Variants in IL20RB observed in about 807,000 individuals in gnomAD.
IL20RB encodes interleukin-20 receptor subunit beta.
A neutral mutation model predicts 33.3 loss-of-function variants in IL20RB; 21 were observed. That is an observed-to-expected ratio of 0.63 (90% CI 0.45 to 0.91). IL20RB has a LOEUF of 0.91. Ranked by LOEUF, IL20RB falls within the 40% of genes least tolerant of loss-of-function variation. The probability of loss-of-function intolerance (pLI) is 0.00; values close to 1 mark genes in which losing one functional copy is unlikely to be tolerated. For missense variants in IL20RB, 345 were observed against 384.8 expected (o/e 0.90, Z 0.86); for synonymous variants, 147 against 146.8 (o/e 1.00, Z -0.01).
At chr3:137,007,082 G>A (rs1942364086) in intron 6 of IL20RB, among the ~76,000 whole-genome samples, 2 of 152,190 alleles carry the variant, frequency 1.3e-5, no homozygotes. Context: ...CCGTTTGCCT[G>A]GGTATCACCA....
chr3:137,010,490 G>A lies in IL20RB; in HGVS notation c.*267G>A, dbSNP rs573772521. On this transcript the variant is annotated 3_prime_UTR_variant, in exon 7 of 7. Coordinates refer to ENST00000329582, the MANE Select transcript of IL20RB (RefSeq NM_144717.4). ...CTGGGAAAAGTGACTTCATCCCTTC[G>A]GTCCTAAGTTTTCTCATCTGTAATG... The A allele has an allele frequency of 2.2e-5, 8 of 369,262 alleles. No homozygotes were observed. The highest frequency in any genetic ancestry group is 1.0e-4 in the South Asian group (2 of 20,002). The allele number at this position is 369,262 out of a possible 1,614,324, so 22.9% of individuals were successfully genotyped here.
chr3:136,965,888 GAGAA>G, intron 1 of IL20RB, among the ~76,000 whole-genome samples: 1 of 10,370 alleles, frequency 9.6e-5, no homozygotes, highest in Admixed American at 1.4e-3. Context: ...CTAATTTATT[GAGAA>G]TTTTTAGCAT....
intron 1 of IL20RB, among the ~76,000 whole-genome samples, chr3:136,977,148 C>T (rs941399032): frequency 6.6e-6 from 1 of 152,180 alleles, no homozygotes; most frequent in African/African-American, 2.4e-5. Flanking sequence ...TACATGATTT[C>T]GGTTCTTCTA....
chr3:137,008,081 C>G (rs1021162801), intron 6 of IL20RB, among the ~76,000 whole-genome samples: 3 of 152,166 alleles, frequency 2.0e-5, no homozygotes, highest in African/African-American at 7.2e-5. Flanking sequence ...GCTGAAGGGT[C>G]TCAGTTTCCT....
At chr3:136,978,166 G>GTT (rs780316908) in intron 1 of IL20RB, among the ~76,000 whole-genome samples, 18 of 130,668 alleles carry the variant, frequency 1.4e-4, no homozygotes, top group East Asian at 2.2e-4. Context: ...GTTCTGTCTT[G>GTT]TTTTTTTTTT....
intron 1 of IL20RB, among the ~76,000 whole-genome samples, chr3:136,976,396 T>C (rs1451748448): frequency 6.6e-6 from 1 of 152,162 alleles, no homozygotes; most frequent in African/African-American, 2.4e-5. Flanking sequence ...CCTCTGTGGC[T>C]ACAGCCTGGG....
At chr3:137,002,928 T>C (rs1412478149) in intron 6 of IL20RB, among the ~76,000 whole-genome samples, 1 of 152,314 alleles carries the variant, frequency 6.6e-6, no homozygotes, top group East Asian at 1.9e-4. Flanking sequence ...CTTTAATCCA[T>C]CTTGAATTGA....
intron 1 of IL20RB, among the ~76,000 whole-genome samples, chr3:136,979,504 A>T (rs1941715114): frequency 6.6e-6 from 1 of 152,208 alleles, no homozygotes; most frequent in Non-Finnish European, 1.5e-5. Context: ...CATAGCAGAG[A>T]GTTCAGACTG....
In IL20RB at chr3:136,992,033, G is replaced by A; in HGVS notation, c.627G>A (p.Val209=). 1 of 1,614,216 alleles carries A rather than the reference G, an allele frequency of 6.2e-7. No individual in the cohort carries two copies. ...AAYCVKAQTF[V]KAIGRYSAFS... ...ACTGTGTGAAGGCCCAGACATTCGT[G>A]AAGGCCATTGGGAGGTACAGCGCCT... Residue 209 remains valine (V), a synonymous_variant, in exon 5 of 7, where the codon GTG becomes GTA. Coordinates refer to ENST00000329582, the MANE Select transcript of IL20RB (RefSeq NM_144717.4).
At chr3:136,974,883 C>G (rs1941578048) in intron 1 of IL20RB, among the ~76,000 whole-genome samples, 1 of 152,272 alleles carries the variant, frequency 6.6e-6, no homozygotes, top group Non-Finnish European at 1.5e-5. Context: ...CCTGCTCGAT[C>G]TAGTCTATTG....
intron 4 of IL20RB, among the ~76,000 whole-genome samples, chr3:136,991,650 C>T (rs1442760599): frequency 6.6e-6 from 1 of 152,188 alleles, no homozygotes; most frequent in Admixed American, 6.5e-5. Flanking sequence ...GCTCTGTCGC[C>T]CAAGCTGGAG....
chr3:136,984,859 G>C (rs1031009740), intron 3 of IL20RB, among the ~76,000 whole-genome samples: 3 of 152,110 alleles, frequency 2.0e-5, no homozygotes, highest in African/African-American at 7.2e-5. Context: ...GGATCTGGGG[G>C]AGATTAAGGG....
At chr3:136,963,688 T>A (rs925196807) in intron 1 of IL20RB, among the ~76,000 whole-genome samples, 2 of 92,690 alleles carry the variant, frequency 2.2e-5, no homozygotes, top group South Asian at 3.6e-4. Context: ...TTTTTTTTTT[T>A]TTTTATTTTT....
At chr3:136,962,216 C>T (rs1049026625) in intron 1 of IL20RB, among the ~76,000 whole-genome samples, 2 of 152,148 alleles carry the variant, frequency 1.3e-5, no homozygotes, top group Admixed American at 1.3e-4. Flanking sequence ...TTTGCACAGT[C>T]TCAAAGTATC....
chr3:136,989,688 A>G lies in IL20RB; in HGVS notation c.531+123A>G. 3 of 1,060,238 alleles carry G rather than the reference A, an allele frequency of 2.8e-6. No individual in the cohort carries two copies. The South Asian group carries it at 4.4e-5, about 16-fold the overall frequency. 65.7% of individuals were successfully genotyped at this position (1,060,238 alleles called of 1,614,324 possible). A position where few individuals can be genotyped will look rare whatever the true frequency, so the allele number is the denominator to read the frequency against. On this transcript the variant is annotated intron_variant, in intron 4 of 6. Transcript: ENST00000329582. ...CCTGGGGATGAGCAGTCCTGGGTGA[A>G]GTGTGCAAAAGATGAGTATGCTGAC...
chr3:136,990,011 G>A (rs1442234230), intron 4 of IL20RB, among the ~76,000 whole-genome samples: 3 of 152,018 alleles, frequency 2.0e-5, no homozygotes, highest in Admixed American at 1.3e-4. Flanking sequence ...GTAGAGGCAG[G>A]GATCCAGGAG....
At chr3:136,959,231 AGCAGCT>A (rs1941130810) in intron 1 of IL20RB, 1 of 152,392 alleles carries the variant, frequency 6.6e-6, no homozygotes, top group Admixed American at 6.5e-5. Flanking sequence ...ATGGACTACA[AGCAGCT>A]GCTGGCTTAA....
chr3:136,981,265 T>TTTAGATTAAATTAAA (rs1941766105), intron 2 of IL20RB, among the ~76,000 whole-genome samples: 2 of 146,528 alleles, frequency 1.4e-5, no homozygotes, highest in East Asian at 4.0e-4. Flanking sequence ...GCTATTTAAA[T>TTTAGATTAAATTAAA]TTAAATTAAA....
rs1577038380 is a variant in IL20RB, at chr3:137,010,242, G to T, written c.*19G>T. On this transcript the variant is annotated 3_prime_UTR_variant, in exon 7 of 7. Transcript: ENST00000329582. The stretch of plus-strand genomic sequence containing the variant: ...CTCATAGGTTTGCGGAAGGGCCCAG[G>T]TGAAGCCGAGAACCTGGTCTGCATG... 4 of 1,162,782 alleles carry T rather than the reference G, an allele frequency of 3.4e-6. No homozygotes were observed. Among genetic ancestry groups the T allele is most frequent in the Non-Finnish European group, 5.2e-6 (4 of 769,084 alleles). The allele number at this position is 1,162,782 out of a possible 1,614,324, so 72.0% of individuals were successfully genotyped here.
Sources: allele counts gnomAD v4.1 joint callset (sites outside exome capture counted in the v4.1 genomes callset), GRCh38; gene constraint gnomAD v4.1.1; transcripts MANE v1.5; gene names NCBI Gene and HGNC (gene_info 2026-07-23, HGNC 2026-07-21).